The following TOM1L2 variants were observed in gnomAD, a reference collection of about 807,000 sequenced individuals.
The protein encoded by TOM1L2 is target of myb1 like 2 membrane trafficking protein, also known as TOM1-like protein 2.
Under a neutral mutation model 67.9 loss-of-function variants are expected in TOM1L2, and 31 were observed. The observed-to-expected ratio is 0.46, with a 90% CI of 0.34 to 0.62. The LOEUF is 0.62. Among genes scored for constraint, TOM1L2 ranks in the 20% least tolerant of loss-of-function variants. The pLI is 0.01. For missense variants in TOM1L2, 606 were observed against 663.5 expected (o/e 0.91, Z 0.95); for synonymous variants, 256 against 254.0 (o/e 1.01, Z -0.07).
chr17:17,905,307 A>G (rs1172115080), intron 2 of TOM1L2, among the ~76,000 whole-genome samples: 1 of 152,214 alleles, frequency 6.6e-6, no homozygotes. Flanking sequence ...CCTGGCTGGC[A>G]GCAAAGATCT....
intron 2 of TOM1L2, among the ~76,000 whole-genome samples, chr17:17,902,984 A>G (rs1182669064): frequency 6.6e-6 from 1 of 152,042 alleles, no homozygotes; most frequent in African/African-American, 2.4e-5. Context: ...GTGACCTAGA[A>G]TTGCTCCAGC....
chr17:17,934,039 T>A (rs1475182616), intron 1 of TOM1L2, among the ~76,000 whole-genome samples: 2 of 152,108 alleles, frequency 1.3e-5, no homozygotes, highest in Non-Finnish European at 2.9e-5. Flanking sequence ...GAAAAAAAAA[T>A]CTGAGTAGGC....
At position 17,882,787 on chromosome 17, in the gene TOM1L2, G is replaced by T. The variant is rs2037795937; in HGVS notation, c.578C>A (p.Ser193Tyr). Residue 193 changes from serine (S) to tyrosine (Y), a missense_variant, in exon 6 of 15, where the codon TCC becomes TAC. Ser to Tyr is a moderately radical substitution (Grantham distance 144). This residue lies in a region of TOM1L2 where 543 missense variants were observed against 554.0 expected (regional missense o/e 0.98). Coordinates refer to ENST00000379504, the MANE Select transcript of TOM1L2 (RefSeq NM_001082968.2). ...GGAGTAGGGAGCAGGAGGCGGCGAG[G>T]AATAGGAACCAGCACTTGTCCTCTG... ...SQQRTSAGSY[S>Y]SPPPAPYSAP... 6.2e-7 allele frequency: 1 copy of T among 1,614,208 alleles called. No individual in the cohort carries two copies. The highest frequency in any genetic ancestry group is 1.3e-5 in the African/African-American group (1 of 75,056).
chr17:17,882,961 C>T, intron 5 of TOM1L2, 98 bp from the exon 6 acceptor site: 1 of 1,446,422 alleles, frequency 6.9e-7, no homozygotes, highest in African/African-American at 1.4e-5. Context: ...CCAAGGCTGC[C>T]CACGAAAGGC....
At chr17:17,902,472 C>G (rs1242997040) in intron 2 of TOM1L2, among the ~76,000 whole-genome samples, 1 of 152,260 alleles carries the variant, frequency 6.6e-6, no homozygotes, top group East Asian at 1.9e-4. Context: ...TGCATGTGCC[C>G]TTCCAAGCTG....
chr17:17,900,525 A>G (rs1482182681), intron 2 of TOM1L2, among the ~76,000 whole-genome samples: 3 of 151,052 alleles, frequency 2.0e-5, no homozygotes, highest in Admixed American at 6.6e-5. Flanking sequence ...CCATCTCAAA[A>G]AAAAAAAAAA....
intron 1 of TOM1L2, among the ~76,000 whole-genome samples, chr17:17,955,255 C>T (rs1370092705): frequency 6.6e-6 from 1 of 151,814 alleles, no homozygotes; most frequent in Non-Finnish European, 1.5e-5. Context: ...TGGTGGTCAC[C>T]GGCAGAGGGC....
At chr17:17,933,791 C>T (rs886778780) in intron 1 of TOM1L2, among the ~76,000 whole-genome samples, 2 of 152,224 alleles carry the variant, frequency 1.3e-5, no homozygotes, top group African/African-American at 4.8e-5. Flanking sequence ...GCCTAAATGG[C>T]CTTGCTCAGC....
chr17:17,903,352 G>A (rs1277537273), intron 2 of TOM1L2, among the ~76,000 whole-genome samples: 1 of 152,124 alleles, frequency 6.6e-6, no homozygotes, highest in Non-Finnish European at 1.5e-5. Flanking sequence ...GGCTGGGCGC[G>A]GTGGCTCACG....
At chr17:17,898,776 G>T in intron 2 of TOM1L2, 102 bp from the exon 3 acceptor site, 1 of 1,157,612 alleles carries the variant, frequency 8.6e-7, no homozygotes, top group Non-Finnish European at 1.3e-6. Flanking sequence ...TTTGCTGGCT[G>T]CAGCATGTTT....
chr17:17,948,505 A>C (rs1598392102), intron 1 of TOM1L2, among the ~76,000 whole-genome samples: 1 of 152,114 alleles, frequency 6.6e-6, no homozygotes, highest in Non-Finnish European at 1.5e-5. Flanking sequence ...AACAAAAATC[A>C]GCCAGGTATG....
At position 17,945,267 on chromosome 17, in the gene TOM1L2, TAC is replaced by T. The variant is rs143501362; in HGVS notation, c.52+26993_52+26994del. Among the ~76,000 whole-genome samples, 898 of 146,258 alleles carry T rather than the reference TAC, an allele frequency of 6.1e-3. 4 individuals carry two copies. Among genetic ancestry groups the T allele is most frequent in the African/African-American group, 0.015 (589 of 40,402 alleles). Reference sequence around the variant, plus strand: ...CCAAATGTTTCACCACACACACACATACACACACACACACACACACACACTCT... The same window carrying T: ...CCAAATGTTTCACCACACACACACATACACACACACACACACACACACTCT... On this transcript the variant is annotated intron_variant, in intron 1 of 14. Transcript: ENST00000379504.
intron 2 of TOM1L2, among the ~76,000 whole-genome samples, chr17:17,903,592 G>A (rs552394044): frequency 6.9e-6 from 1 of 144,276 alleles, no homozygotes; most frequent in Admixed American, 7.2e-5. Flanking sequence ...CAGCCTGGGC[G>A]ACAGAGCGAG....
At chr17:17,850,810 G>A in intron 13 of TOM1L2, 83 bp downstream of exon 13, 1 of 1,483,934 alleles carries the variant, frequency 6.7e-7, no homozygotes. Flanking sequence ...TGGAGCCCCT[G>A]CTGATGCTCC....
intron 10 of TOM1L2, among the ~76,000 whole-genome samples, chr17:17,865,255 C>T (rs140719992): frequency 6.6e-6 from 1 of 152,328 alleles, no homozygotes; most frequent in East Asian, 1.9e-4. Context: ...TTTCCAAGCC[C>T]TCTGTAGATA....
intron 7 of TOM1L2, among the ~76,000 whole-genome samples, chr17:17,879,250 A>C (rs899806591): frequency 6.6e-6 from 1 of 152,244 alleles, no homozygotes; most frequent in African/African-American, 2.4e-5. Context: ...GCTCAACTAC[A>C]TTTAAAATAA....
At chr17:17,961,554 G>A (rs2041678538) in intron 1 of TOM1L2, among the ~76,000 whole-genome samples, 1 of 151,832 alleles carries the variant, frequency 6.6e-6, no homozygotes, top group Admixed American at 6.6e-5. Flanking sequence ...TAGCCTGGGT[G>A]ACAGAAGGAG....
At chr17:17,911,097 A>C (rs1486787578) in intron 1 of TOM1L2, among the ~76,000 whole-genome samples, 2 of 152,298 alleles carry the variant, frequency 1.3e-5, no homozygotes, top group Non-Finnish European at 2.9e-5. Context: ...TAGGTTTCAG[A>C]GAACATAGGA....
chr17:17,852,693 C>T (rs919320500), intron 12 of TOM1L2, among the ~76,000 whole-genome samples: 1 of 151,974 alleles, frequency 6.6e-6, no homozygotes, highest in African/African-American at 2.4e-5. Flanking sequence ...GGGAGAAACC[C>T]AGTCTCTACT....
Sources: allele counts gnomAD v4.1 joint callset (sites outside exome capture counted in the v4.1 genomes callset), GRCh38; gene constraint gnomAD v4.1.1; regional missense constraint gnomAD v4.1.1; transcripts MANE v1.5; gene names NCBI Gene and HGNC (gene_info 2026-07-23, HGNC 2026-07-21).